Variants in ADGRB3 observed in about 807,000 individuals in gnomAD.
ADGRB3 encodes the protein adhesion G protein-coupled receptor B3.
Under a neutral mutation model 193.4 loss-of-function variants are expected in ADGRB3, and 37 were observed. The ratio of observed to expected loss-of-function variants is 0.19; its 90% confidence interval spans 0.15 to 0.25. The LOEUF is 0.25. ADGRB3 is among the 10% of genes least tolerant of loss of function. The pLI is 1.00. For missense variants in ADGRB3, 1,637 were observed against 1,852.9 expected, an observed-to-expected ratio of 0.88 and a Z score of 2.14; for synonymous variants, 690 against 644.2, an observed-to-expected ratio of 1.07 and a Z score of -1.08.
chr6:68,657,718 C>T (rs1359775133), intron 3 of ADGRB3, among the ~76,000 whole-genome samples: 2 of 151,386 alleles, frequency 1.3e-5, no homozygotes, highest in East Asian at 3.9e-4. Flanking sequence ...CTTTTAAAAA[C>T]ACTCAGTTTT....
chr6:68,972,667 T>C (rs1768621183), intron 8 of ADGRB3, among the ~76,000 whole-genome samples: 1 of 152,144 alleles, frequency 6.6e-6, no homozygotes, highest in African/African-American at 2.4e-5. Flanking sequence ...TGTAAAACTC[T>C]CCAAAAGGGC....
rs558064172 is a variant in ADGRB3, at chr6:68,885,981, A to T, written c.758-44578A>T. 2.0e-5 allele frequency among the ~76,000 whole-genome samples: 3 copies of T among 152,280 alleles called. No individual in the cohort carries two copies. The South Asian group carries it at 6.2e-4, about 32-fold the overall frequency. ...CGTCCAGTGAAAATAAAACAACACA[A>T]AACAAAAAGACAAGATTGGGTAATT... On this transcript the variant is annotated intron_variant, in intron 3 of 31. Transcript: ENST00000370598.
chr6:68,966,728 C>A (rs148285773), intron 8 of ADGRB3, among the ~76,000 whole-genome samples: 129 of 152,224 alleles, frequency 8.5e-4, no homozygotes, highest in African/African-American at 3.0e-3. Flanking sequence ...TCTTTATGAC[C>A]ATTTTAGGAG....
At chr6:68,725,718 A>G (rs1765660629) in intron 3 of ADGRB3, among the ~76,000 whole-genome samples, 1 of 151,560 alleles carries the variant, frequency 6.6e-6, no homozygotes, top group African/African-American at 2.4e-5. Flanking sequence ...AGTGAAAATC[A>G]AGATTTGAGC....
intron 17 of ADGRB3, among the ~76,000 whole-genome samples, chr6:69,192,626 T>C (rs1265872743): frequency 6.6e-6 from 1 of 152,192 alleles, no homozygotes; most frequent in Non-Finnish European, 1.5e-5. Flanking sequence ...ACTTTGAGTC[T>C]TGTAATAGTT....
intron 21 of ADGRB3, 76 bp downstream of exon 21, chr6:69,325,098 A>G: frequency 6.8e-7 from 1 of 1,477,786 alleles, no homozygotes; most frequent in African/African-American, 1.4e-5. Context: ...GTCATGAGTG[A>G]TTAGACACAG....
intron 20 of ADGRB3, among the ~76,000 whole-genome samples, chr6:69,250,406 A>G (rs1183049831): frequency 6.6e-6 from 1 of 152,216 alleles, no homozygotes; most frequent in Non-Finnish European, 1.5e-5. Context: ...TCCAGAATAA[A>G]GCTAAAAGGT....
intron 29 of ADGRB3, among the ~76,000 whole-genome samples, chr6:69,362,092 A>G (rs1001016572): frequency 6.6e-6 from 1 of 151,982 alleles, no homozygotes; most frequent in Non-Finnish European, 1.5e-5. Context: ...AATGACCATT[A>G]AAATTTTGCA....
chr6:69,056,519 T>C (rs1771549316), intron 15 of ADGRB3, among the ~76,000 whole-genome samples: 1 of 152,218 alleles, frequency 6.6e-6, no homozygotes, highest in Admixed American at 6.5e-5. Flanking sequence ...TTAGCTTTTC[T>C]TCCCTGTACT....
intron 3 of ADGRB3, among the ~76,000 whole-genome samples, chr6:68,831,316 A>G (rs985359475): frequency 6.6e-6 from 1 of 151,868 alleles, no homozygotes; most frequent in Non-Finnish European, 1.5e-5. Context: ...AAAAAAAAAA[A>G]AAAAAAAAAG....
At chr6:68,993,606 T>C (rs1169040328) in intron 10 of ADGRB3, among the ~76,000 whole-genome samples, 162 bp from the exon 11 acceptor site, 1 of 152,236 alleles carries the variant, frequency 6.6e-6, no homozygotes, top group Non-Finnish European at 1.5e-5. Flanking sequence ...TTTATCCATC[T>C]GAGTATGGGA....
intron 3 of ADGRB3, among the ~76,000 whole-genome samples, chr6:68,927,631 TTTGGCAGAAGA>T (rs1323717856): frequency 6.6e-6 from 1 of 152,088 alleles, no homozygotes; most frequent in African/African-American, 2.4e-5. Flanking sequence ...GGACGTAAAC[TTTGGCAGAAGA>T]AACACACTTG....
chr6:68,835,345 GTCT>G (rs369932944), intron 3 of ADGRB3, among the ~76,000 whole-genome samples: 119 of 152,186 alleles, frequency 7.8e-4, no homozygotes, highest in African/African-American at 2.4e-3. Context: ...GTAGTTGATC[GTCT>G]TCTTTTTGTG....
At chr6:69,324,114 T>G (rs1768518202) in intron 20 of ADGRB3, among the ~76,000 whole-genome samples, 1 of 152,116 alleles carries the variant, frequency 6.6e-6, no homozygotes, top group Non-Finnish European at 1.5e-5. Context: ...ATGAAGCTGC[T>G]GATCTTTTGC....
In ADGRB3 at chr6:69,018,170, G is replaced by A. The variant is rs117375880; in HGVS notation, c.1999-221G>A. Among the ~76,000 whole-genome samples the A allele has an allele frequency of 4.1e-3, 619 of 151,696 alleles. 2 individuals carry two copies. The highest frequency in any genetic ancestry group is 6.3e-3 in the Non-Finnish European group (425 of 67,806). ...TTTTGAGTTTCCTTAGATTTATGAG[G>A]GATTAATCACTACATCATATTACTT... On this transcript the variant is annotated intron_variant, in intron 12 of 31. Transcript: ENST00000370598.
chr6:69,014,162 T>C, intron 12 of ADGRB3, 56 bp downstream of exon 12: 1 of 1,248,894 alleles, frequency 8.0e-7, no homozygotes, highest in East Asian at 2.4e-5. Context: ...GTAAAAAATA[T>C]GTGACTAAAT....
At chr6:68,787,177 C>T (rs1766993422) in intron 3 of ADGRB3, among the ~76,000 whole-genome samples, 1 of 152,150 alleles carries the variant, frequency 6.6e-6, no homozygotes, top group African/African-American at 2.4e-5. Context: ...CTGGCCAGAA[C>T]TTCCAACACT....
intron 17 of ADGRB3, among the ~76,000 whole-genome samples, chr6:69,171,813 C>G (rs767646594): frequency 5.9e-5 from 9 of 152,136 alleles, no homozygotes; most frequent in Non-Finnish European, 1.2e-4. Flanking sequence ...AACCATATAT[C>G]CTGTGGAAGA....
chr6:69,270,955 C>T (rs1368848936), intron 20 of ADGRB3, among the ~76,000 whole-genome samples: 1 of 151,994 alleles, frequency 6.6e-6, no homozygotes, highest in Non-Finnish European at 1.5e-5. Context: ...GGTAGTATGA[C>T]AATGTGCTTT....
Sources: gnomAD v4.1 joint callset for allele counts (sites outside exome capture counted in the v4.1 genomes callset) on GRCh38, gnomAD v4.1.1 for gene constraint, MANE v1.5 for transcripts, NCBI Gene and HGNC (gene_info 2026-07-23, HGNC 2026-07-21) for gene names.